The following TMEM200A variants were observed in gnomAD, a reference collection of about 807,000 sequenced individuals.
The protein encoded by TMEM200A is two transmembrane C.
A neutral mutation model predicts 24.3 loss-of-function variants in TMEM200A; 12 were observed. That is an observed-to-expected ratio of 0.49 (90% CI 0.32 to 0.80). The LOEUF (loss-of-function observed/expected upper bound fraction) is 0.80, where lower values mean the gene tolerates loss of function less well. TMEM200A is among the 30% of genes least tolerant of loss of function. TMEM200A has a pLI of 0.04. For synonymous variants in TMEM200A, 224 were observed against 224.4 expected (o/e 1.00, Z 0.02); for missense variants, 545 against 614.4 (o/e 0.89, Z 1.19).
At chr6:130,419,194 T>C (rs1458740113) in intron 2 of TMEM200A, among the ~76,000 whole-genome samples, 3 of 152,204 alleles carry the variant, frequency 2.0e-5, no homozygotes, top group Non-Finnish European at 2.9e-5. Flanking sequence ...GCCAGACTTA[T>C]TTCGCTTAAC....
Position 130,430,471 on chromosome 6 carries a change from T to G in TMEM200A, c.-16-9936T>G, listed in dbSNP as rs115157582. Among the ~76,000 whole-genome samples, 636 of 152,282 alleles carry G rather than the reference T, an allele frequency of 4.2e-3. 6 individuals are homozygous for G. The highest frequency in any genetic ancestry group is 0.014 in the African/African-American group (592 of 41,564). The stretch of plus-strand genomic sequence containing the variant: ...TAAAAATTGAAAATCTATGTTTTCT[T>G]GAATTCATCTTGCTGCCACTAACCT... On this transcript the variant is annotated intron_variant, in intron 2 of 2. Transcript: ENST00000296978.
chr6:130,370,081 C>A (rs1022893605), intron 1 of TMEM200A, among the ~76,000 whole-genome samples: 3 of 152,216 alleles, frequency 2.0e-5, no homozygotes, highest in Non-Finnish European at 4.4e-5. Flanking sequence ...GAGACTTACA[C>A]AACTTTGTCG....
At chr6:130,365,761 T>C (rs1447054959), upstream of TMEM200A, 1 of 985,378 alleles carries the variant, frequency 1.0e-6, no homozygotes, top group Non-Finnish European at 1.2e-6. Flanking sequence ...CTGCGGGTGA[T>C]TTGGGCTCTC....
At chr6:130,412,135 T>G (rs1329257728) in intron 2 of TMEM200A, among the ~76,000 whole-genome samples, 1 of 150,626 alleles carries the variant, frequency 6.6e-6, no homozygotes, top group Non-Finnish European at 1.5e-5. Flanking sequence ...TGTGAGCTCA[T>G]CTTGTCCTTT....
chr6:130,378,873 A>G (rs1778530896), intron 1 of TMEM200A, among the ~76,000 whole-genome samples: 1 of 152,210 alleles, frequency 6.6e-6, no homozygotes. Flanking sequence ...AAAGAAAGGA[A>G]ATACATTTAT....
chr6:130,408,488 T>C lies in TMEM200A; in HGVS notation c.-17+23252T>C, dbSNP rs145928303. Among the ~76,000 whole-genome samples the C allele has an allele frequency of 1.4e-4, 22 of 152,230 alleles. No individual in the cohort carries two copies. In the East Asian group the frequency reaches 3.9e-3, roughly 27 times the overall value. ...GAATGGATTTGGCATGTGTTGCATC[T>C]TAGACAGGGTTGGGGAATCAGATAT... is the stretch of plus-strand genomic sequence containing the variant. On this transcript the variant is annotated intron_variant, in intron 2 of 2. Transcript: ENST00000296978.
chr6:130,406,526 GTGTT>G (rs559035282), intron 2 of TMEM200A, among the ~76,000 whole-genome samples: 23 of 152,102 alleles, frequency 1.5e-4, no homozygotes, highest in Non-Finnish European at 3.1e-4. Context: ...ACTCTCTGTT[GTGTT>G]TGTGAGATTA....
chr6:130,400,413 A>G (rs1779057152), intron 2 of TMEM200A, among the ~76,000 whole-genome samples: 1 of 151,298 alleles, frequency 6.6e-6, no homozygotes, highest in South Asian at 2.1e-4. Flanking sequence ...CTCTCTTTTT[A>G]GTCACTTTCC....
chr6:130,441,571 G>A lies in TMEM200A; in HGVS notation c.1149G>A (p.Gly383=), dbSNP rs534613340. The A allele has an allele frequency of 8.1e-6, 13 of 1,614,020 alleles. No homozygotes were observed. The East Asian group carries it at 2.9e-4, about 36-fold the overall frequency. ...LSPGAARRQF[G]SNTSLHLLSS... is the part of the protein sequence containing the mutation. The stretch of plus-strand genomic sequence containing the variant: ...CTGGGGCTGCCAGAAGACAGTTTGG[G>A]TCCAATACATCCTTGCATTTGCTCT... Residue 383 remains glycine (G), a synonymous_variant, in exon 3 of 3, where the codon GGG becomes GGA. Coordinates refer to ENST00000296978, the MANE Select transcript of TMEM200A (RefSeq NM_001258277.2).
chr6:130,428,569 AATAAAGCAG>A (rs1779801573), intron 2 of TMEM200A, among the ~76,000 whole-genome samples: 1 of 152,172 alleles, frequency 6.6e-6, no homozygotes, highest in South Asian at 2.1e-4. Flanking sequence ...GAAAACTCTT[AATAAAGCAG>A]GCACTGATTG....
At chr6:130,396,230 G>A (rs1195189888) in intron 2 of TMEM200A, among the ~76,000 whole-genome samples, 1 of 152,124 alleles carries the variant, frequency 6.6e-6, no homozygotes, top group Non-Finnish European at 1.5e-5. Context: ...GAAAATGCTA[G>A]TGATGATAGA....
chr6:130,402,460 G>A (rs1369565291), intron 2 of TMEM200A, among the ~76,000 whole-genome samples: 9 of 151,970 alleles, frequency 5.9e-5, no homozygotes, highest in Non-Finnish European at 1.2e-4. Context: ...CTTTTATTAT[G>A]CTTATGAGAA....
At chr6:130,382,411 G>A (rs1778621442) in intron 1 of TMEM200A, among the ~76,000 whole-genome samples, 1 of 152,168 alleles carries the variant, frequency 6.6e-6, no homozygotes, top group South Asian at 2.1e-4. Flanking sequence ...GGAAATCCTT[G>A]CTGGGGAGGC....
At chr6:130,409,539 C>T (rs1779284721) in intron 2 of TMEM200A, among the ~76,000 whole-genome samples, 1 of 152,126 alleles carries the variant, frequency 6.6e-6, no homozygotes, top group Admixed American at 6.6e-5. Context: ...TGATCTATTT[C>T]CCACATTCTA....
intron 2 of TMEM200A, among the ~76,000 whole-genome samples, chr6:130,421,938 ATTTTCT>A (rs1779601736): frequency 6.6e-6 from 1 of 152,068 alleles, no homozygotes; most frequent in African/African-American, 2.4e-5. Context: ...TGTTTATCAC[ATTTTCT>A]TTATTCATGT....
At chr6:130,368,767 G>T (rs1046642659) in intron 1 of TMEM200A, among the ~76,000 whole-genome samples, 1 of 152,206 alleles carries the variant, frequency 6.6e-6, no homozygotes, top group Admixed American at 6.5e-5. Flanking sequence ...CAGGGGACCA[G>T]TGCAGACTGG....
At chr6:130,439,178 A>G (rs1780093635) in intron 2 of TMEM200A, 1 of 152,234 alleles carries the variant, frequency 6.6e-6, no homozygotes. Flanking sequence ...AAACAACTTC[A>G]GAGATGATTG....
rs1554279612 is a variant in TMEM200A, at chr6:130,366,714, TC to T, written c.-81+193del. On this transcript the variant is annotated intron_variant, in intron 1 of 2. Coordinates refer to ENST00000296978, the MANE Select transcript of TMEM200A (RefSeq NM_001258277.2). The surrounding 1 kb of genome is among the most constrained non-coding windows in gnomAD (Gnocchi z 4.4). ...CCGCCATCAGGTCCAGACTCCCCAGTCCCGGGAGCGCGAGAGAAGCCGTGCG... is the reference window on the plus strand; with the variant it reads ...CCGCCATCAGGTCCAGACTCCCCAGTCCGGGAGCGCGAGAGAAGCCGTGCG... Among the ~76,000 whole-genome samples the T allele has an allele frequency of 6.6e-6, 1 of 152,080 alleles. No individual in the cohort carries two copies. Among genetic ancestry groups the T allele is most frequent in the Non-Finnish European group, 1.5e-5 (1 of 68,018 alleles).
chr6:130,422,742 T>A (rs1010237155), intron 2 of TMEM200A, among the ~76,000 whole-genome samples: 3 of 152,198 alleles, frequency 2.0e-5, no homozygotes, highest in Non-Finnish European at 2.9e-5. Context: ...TAGAGAGGGT[T>A]TCCCACTCAG....
Sources: allele counts gnomAD v4.1 joint callset (sites outside exome capture counted in the v4.1 genomes callset), GRCh38; gene constraint gnomAD v4.1.1; non-coding constraint Gnocchi (gnomAD v3.1); transcripts MANE v1.5; gene names NCBI Gene and HGNC (gene_info 2026-07-23, HGNC 2026-07-21).